Variants in SLC28A3 observed in about 807,000 individuals in gnomAD.
SLC28A3 encodes the protein solute carrier family 28 member 3.
SLC28A3 carries 68 observed loss-of-function variants against 84.2 expected under a neutral mutation model. The observed-to-expected ratio is 0.81, with a 90% confidence interval of 0.66 to 0.99. SLC28A3 has a LOEUF of 0.99. Among genes scored for constraint, SLC28A3 ranks in the 50% least tolerant of loss-of-function variants. The probability of loss-of-function intolerance (pLI) is 0.00; values close to 1 mark genes in which losing one functional copy is unlikely to be tolerated. For synonymous variants in SLC28A3, 267 were observed against 303.6 expected (o/e 0.88, Z 1.25); for missense variants, 712 against 841.5 (o/e 0.85, Z 1.90).
chr9:84,343,239 G>A (rs1245170788), upstream of SLC28A3, among the ~76,000 whole-genome samples: 1 of 152,032 alleles, frequency 6.6e-6, no homozygotes, highest in Non-Finnish European at 1.5e-5. Flanking sequence ...CCCGGGCACA[G>A]GGTTGAGTGG....
the SLC28A3 span, among the ~76,000 whole-genome samples, chr9:84,356,885 CT>C: frequency 6.6e-6 from 1 of 152,102 alleles, no homozygotes; most frequent in Non-Finnish European, 1.5e-5. Flanking sequence ...CAAAATGAAA[CT>C]GAGACCCGCC....
At chr9:84,354,854 GAAAA>G in the SLC28A3 span, among the ~76,000 whole-genome samples, 1 of 115,372 alleles carries the variant, frequency 8.7e-6, no homozygotes, top group African/African-American at 3.2e-5. Context: ...CTCAAAAAGA[GAAAA>G]AAAGAAAAAA....
chr9:84,299,886 G>A (rs539131311), intron 5 of SLC28A3, among the ~76,000 whole-genome samples, 161 bp from the exon 6 acceptor site: 31 of 151,976 alleles, frequency 2.0e-4, no homozygotes, highest in Admixed American at 6.6e-4. Context: ...TCCACTTCCC[G>A]GGTTCAAGCA....
At chr9:84,304,309 C>T (rs940903408) in intron 4 of SLC28A3, among the ~76,000 whole-genome samples, 15 of 152,196 alleles carry the variant, frequency 9.9e-5, no homozygotes, top group Non-Finnish European at 1.9e-4. Context: ...GTCTGAGCAC[C>T]AGCAAAACTG....
At chr9:84,309,991 C>G (rs1248351788) in intron 2 of SLC28A3, among the ~76,000 whole-genome samples, 1 of 152,112 alleles carries the variant, frequency 6.6e-6, no homozygotes, top group African/African-American at 2.4e-5. Flanking sequence ...CATATTTGTG[C>G]TTTTTGCTCC....
chr9:84,299,464 C>T, intron 6 of SLC28A3, 117 bp downstream of exon 6: 1 of 1,333,620 alleles, frequency 7.5e-7, no homozygotes, highest in South Asian at 1.4e-5. Flanking sequence ...TAAATAATCC[C>T]ATCAAGGTAA....
chr9:84,346,908 T>A, the SLC28A3 span, among the ~76,000 whole-genome samples: 2 of 152,108 alleles, frequency 1.3e-5, no homozygotes, highest in South Asian at 4.1e-4. Context: ...GGCACAGTGG[T>A]TCATGCCTGT....
chr9:84,355,956 G>C, the SLC28A3 span, among the ~76,000 whole-genome samples: 1 of 151,724 alleles, frequency 6.6e-6, no homozygotes, highest in Non-Finnish European at 1.5e-5. Flanking sequence ...CTGGGACTAC[G>C]GGTGCACCCC....
chr9:84,305,948 CTT>C (rs940498961), intron 3 of SLC28A3, among the ~76,000 whole-genome samples: 4 of 152,102 alleles, frequency 2.6e-5, no homozygotes, highest in African/African-American at 9.7e-5. Flanking sequence ...GTTGGAATGT[CTT>C]TATTTCCATC....
rs7867504 is a variant in SLC28A3, at chr9:84,305,321, T to C, written c.267A>G (p.Thr89=). ...QKGCLERRYD[T]VCGFCRKHKT... ...TGTGTTTCCTACAGAAACCACATAC[T>C]GTGTCATACCTCCTTTCCAAACACC... Residue 89 remains threonine (T), a synonymous_variant, in exon 4 of 18, where the codon ACA becomes ACG. Transcript: ENST00000376238. 0.35 allele frequency: 557,738 copies of C among 1,611,954 alleles called. 108,473 individuals are homozygous for C. The highest frequency in any genetic ancestry group is 0.75 in the African/African-American group (56,461 of 74,850).
rs1007781569 is a variant in SLC28A3, at chr9:84,277,493, G to A, written c.*725C>T. On this transcript the variant is annotated 3_prime_UTR_variant, in exon 18 of 18. Transcript: ENST00000376238. Reference sequence around the variant, plus strand: ...CTTAGAGGCTGCTCCTTTAGACTGGGTGCTGAAGCAATATGGATTACAACC... The same window carrying A: ...CTTAGAGGCTGCTCCTTTAGACTGGATGCTGAAGCAATATGGATTACAACC... 2.0e-5 allele frequency: 3 copies of A among 152,234 alleles called. No homozygotes were observed. The highest frequency in any genetic ancestry group is 4.4e-5 in the Non-Finnish European group (3 of 68,050). 9.4% of individuals were successfully genotyped at this position (152,234 alleles called of 1,614,324 possible). A position where few individuals can be genotyped will look rare whatever the true frequency, so the allele number is the denominator to read the frequency against.
chr9:84,308,327 C>A (rs1588595143), intron 3 of SLC28A3, among the ~76,000 whole-genome samples: 1 of 152,214 alleles, frequency 6.6e-6, no homozygotes, highest in South Asian at 2.1e-4. Context: ...AAGCAGACCA[C>A]CTGAGGTCAG....
intron 1 of SLC28A3, among the ~76,000 whole-genome samples, chr9:84,320,216 A>ATT (rs113128132): frequency 2.3e-4 from 34 of 147,742 alleles, no homozygotes; most frequent in East Asian, 2.0e-3. Flanking sequence ...CACCCTGCTC[A>ATT]TTTTTTTTTT....
intron 8 of SLC28A3, among the ~76,000 whole-genome samples, chr9:84,296,646 T>C (rs1316243248): frequency 6.6e-6 from 1 of 152,240 alleles, no homozygotes; most frequent in Non-Finnish European, 1.5e-5. Context: ...GCCTTTCCCC[T>C]GTAAAATAAT....
intron 1 of SLC28A3, among the ~76,000 whole-genome samples, chr9:84,328,241 T>C (rs1343841392): frequency 1.3e-5 from 2 of 149,810 alleles, no homozygotes; most frequent in South Asian, 2.1e-4. Flanking sequence ...AGTAACTACA[T>C]TAACTATAAA....
chr9:84,323,803 TGACATC>T (rs1358471438), intron 1 of SLC28A3, among the ~76,000 whole-genome samples: 2 of 151,102 alleles, frequency 1.3e-5, no homozygotes, highest in South Asian at 2.1e-4. Context: ...CCTTCCCCAA[TGACATC>T]CCCCTCCCCT....
the SLC28A3 span, among the ~76,000 whole-genome samples, chr9:84,349,468 T>G: frequency 3.3e-5 from 5 of 152,210 alleles, no homozygotes; most frequent in African/African-American, 9.6e-5. Flanking sequence ...AACTCCTGAC[T>G]TCAAGTGATC....
chr9:84,300,873 G>A (rs1014203179), intron 5 of SLC28A3, among the ~76,000 whole-genome samples: 3 of 152,118 alleles, frequency 2.0e-5, no homozygotes, highest in African/African-American at 4.8e-5. Flanking sequence ...GTAACAAGGA[G>A]AAAGGGGACA....
At chr9:84,292,445 G>GTCTCTC (rs1425514593) in intron 10 of SLC28A3, among the ~76,000 whole-genome samples, 2 of 118,280 alleles carry the variant, frequency 1.7e-5, no homozygotes, top group African/African-American at 3.8e-5. Flanking sequence ...ATTTCTCTCT[G>GTCTCTC]TGTCTCTCTG....
Sources: gnomAD v4.1 joint callset for allele counts (sites outside exome capture counted in the v4.1 genomes callset) on GRCh38, gnomAD v4.1.1 for gene constraint, MANE v1.5 for transcripts, NCBI Gene and HGNC (gene_info 2026-07-23, HGNC 2026-07-21) for gene names.